The following SLC2A9 variants were observed in gnomAD, a reference collection of about 807,000 sequenced individuals.
The protein encoded by SLC2A9 is solute carrier family 2, facilitated glucose transporter member 9.
In SLC2A9, 39 loss-of-function variants were observed where a neutral mutation model predicts 50.6. That is an observed-to-expected ratio of 0.77 (90% CI 0.60 to 1.01). The LOEUF is 1.01. Among genes scored for constraint, SLC2A9 ranks in the 50% least tolerant of loss-of-function variants. SLC2A9 has a pLI of 0.00. For synonymous variants in SLC2A9, 324 were observed against 276.9 expected (o/e 1.17, Z -1.69); for missense variants, 686 against 677.6 (o/e 1.01, Z -0.14).
chr4:9,946,896 T>G (rs1383241196), intron 5 of SLC2A9, among the ~76,000 whole-genome samples: 1 of 152,160 alleles, frequency 6.6e-6, no homozygotes, highest in Non-Finnish European at 1.5e-5. Flanking sequence ...CAATTTCAAT[T>G]TAGACATCAG....
chr4:9,937,121 A>G (rs1747232510), intron 6 of SLC2A9, among the ~76,000 whole-genome samples: 1 of 152,220 alleles, frequency 6.6e-6, no homozygotes, highest in South Asian at 2.1e-4. Context: ...CACAACATAG[A>G]AAACATCCTC....
At position 9,834,999 on chromosome 4, in the gene SLC2A9, G is replaced by A. The variant is rs375494538; in HGVS notation, c.1301C>T (p.Pro434Leu). 8 of 1,613,296 alleles carry A rather than the reference G, an allele frequency of 5.0e-6. No individual in the cohort carries two copies. The highest frequency in any genetic ancestry group is 6.8e-6 in the Non-Finnish European group (8 of 1,179,974). Residue 434 changes from proline (P) to leucine (L), a missense_variant, in exon 11 of 12, where the codon CCG becomes CTG. Physicochemically the swap from Pro to Leu is moderately conservative, Grantham distance 98 (BLOSUM62 -3). Transcript: ENST00000264784. ...GAAGAACTCACCAGTCAAGATGAAC[G>A]GGATGCCACCTGCAGTGTGTGAGCC... is the stretch of plus-strand genomic sequence containing the variant. ...ASFCSGPGGI[P>L]FILTGEFFQQ...
intron 5 of SLC2A9, among the ~76,000 whole-genome samples, chr4:9,950,585 T>TAAACGACAAA (rs1180409253): frequency 2.2e-5 from 2 of 89,118 alleles, no homozygotes; most frequent in Admixed American, 2.3e-4. Flanking sequence ...TGGCTATTAT[T>TAAACGACAAA]AAATGACAGA....
chr4:10,026,000 A>T, upstream of SLC2A9: 6 of 1,608,446 alleles, frequency 3.7e-6, no homozygotes, highest in Non-Finnish European at 3.4e-6. Flanking sequence ...TTTTGTTGTT[A>T]TTGTTTCTGA....
At chr4:9,901,999 T>C (rs907541196) in intron 8 of SLC2A9, among the ~76,000 whole-genome samples, 1 of 152,178 alleles carries the variant, frequency 6.6e-6, no homozygotes, top group Non-Finnish European at 1.5e-5. Flanking sequence ...CCACCCTACA[T>C]GCCCTCGGCT....
intron 6 of SLC2A9, among the ~76,000 whole-genome samples, chr4:9,926,567 A>G (rs1744941687): frequency 6.6e-6 from 1 of 151,842 alleles, no homozygotes; most frequent in Admixed American, 6.6e-5. Context: ...TATACATGCT[A>G]TCACTGTGGG....
At chr4:10,018,589 T>TAGATAGAC in intron 2 of SLC2A9, among the ~76,000 whole-genome samples, 1 of 151,144 alleles carries the variant, frequency 6.6e-6, no homozygotes, top group African/African-American at 2.4e-5. Context: ...GATAGATAGA[T>TAGATAGAC]AACAACAACA....
chr4:9,826,871 A>T (rs1365984795), intron 11 of SLC2A9, among the ~76,000 whole-genome samples: 1 of 152,206 alleles, frequency 6.6e-6, no homozygotes, highest in Non-Finnish European at 1.5e-5. Context: ...TTAAAAATTA[A>T]TCATCACGAA....
chr4:10,011,709 C>A (rs1468244336), intron 2 of SLC2A9, among the ~76,000 whole-genome samples: 1 of 152,156 alleles, frequency 6.6e-6, no homozygotes, highest in Non-Finnish European at 1.5e-5. Flanking sequence ...CAGAAAGATA[C>A]AACTATGCCA....
At chr4:10,019,238 G>A in intron 1 of SLC2A9, 165 bp from the exon 2 acceptor site, 1 of 642,806 alleles carries the variant, frequency 1.6e-6, no homozygotes, top group Non-Finnish European at 2.8e-6. Context: ...GGACCTGCAA[G>A]TAGGGTTCCA....
At chr4:9,795,007 C>CTTTTTTT (rs3060726), downstream of SLC2A9, among the ~76,000 whole-genome samples, 24 of 95,174 alleles carry the variant, frequency 2.5e-4, 1 homozygote, top group South Asian at 4.1e-4. Context: ...TTAACCCATC[C>CTTTTTTT]TTTTTTTTTT....
intron 3 of SLC2A9, among the ~76,000 whole-genome samples, chr4:9,992,630 C>T (rs1389510043): frequency 6.6e-6 from 1 of 152,216 alleles, no homozygotes; most frequent in Non-Finnish European, 1.5e-5. Context: ...CATCTTATAC[C>T]TCCATGGGAG....
At chr4:9,922,142 G>C (rs188878922) in intron 6 of SLC2A9, among the ~76,000 whole-genome samples, 22 of 152,202 alleles carry the variant, frequency 1.4e-4, no homozygotes, top group Admixed American at 1.2e-3. Flanking sequence ...TCTTTATCCA[G>C]TCTATCATTG....
At chr4:9,957,353 A>G (rs6844316) in intron 5 of SLC2A9, among the ~76,000 whole-genome samples, 73,443 of 152,006 alleles carry the variant, frequency 0.48, 19,099 homozygotes, top group African/African-American at 0.67. Context: ...GGGCCTCCCA[A>G]TACAAATCCT....
chr4:9,812,059 A>G, intron 3 of SLC2A9, among the ~76,000 whole-genome samples: 1 of 152,220 alleles, frequency 6.6e-6, no homozygotes, highest in Admixed American at 6.5e-5. Context: ...AGTCCAGATT[A>G]TGTCACTGGT....
chr4:9,868,206 C>T (rs1732826128), intron 10 of SLC2A9, among the ~76,000 whole-genome samples: 1 of 152,248 alleles, frequency 6.6e-6, no homozygotes, highest in South Asian at 2.1e-4. Flanking sequence ...TTCCATCTGT[C>T]TCCCTTACCA....
intron 4 of SLC2A9, among the ~76,000 whole-genome samples, chr4:9,983,120 G>A (rs1005580671): frequency 3.9e-5 from 6 of 152,068 alleles, no homozygotes; most frequent in Non-Finnish European, 8.8e-5. Flanking sequence ...CGCCCGCCTC[G>A]GCCTCCCAAA....
Position 9,853,279 on chromosome 4 carries a change from T to C in SLC2A9, c.1292-18271A>G, listed in dbSNP as rs758169940. 5.3e-5 allele frequency among the ~76,000 whole-genome samples: 8 copies of C among 151,882 alleles called. No homozygotes were observed. In the East Asian group the frequency reaches 1.5e-3, roughly 29 times the overall value. On this transcript the variant is annotated intron_variant, in intron 10 of 11. Transcript: ENST00000264784. Reference sequence around the variant, plus strand: ...CCCATCTCACATTCAGTGACACCCGTAGACTCAAAGTAAAAGGATAGAGAA... The same window carrying C: ...CCCATCTCACATTCAGTGACACCCGCAGACTCAAAGTAAAAGGATAGAGAA...
chr4:10,024,481 G>A (rs572386976), upstream of SLC2A9, among the ~76,000 whole-genome samples: 295 of 152,336 alleles, frequency 1.9e-3, 1 homozygote, highest in Non-Finnish European at 2.5e-3. Context: ...ACGTGAGGAC[G>A]CAGGGAGAAG....
Sources: allele counts gnomAD v4.1 joint callset (sites outside exome capture counted in the v4.1 genomes callset), GRCh38; gene constraint gnomAD v4.1.1; transcripts MANE v1.5; gene names NCBI Gene and HGNC (gene_info 2026-07-23, HGNC 2026-07-21).